Variants in RELN observed in about 807,000 individuals in gnomAD.
The protein encoded by RELN is reelin.
In RELN, 108 loss-of-function variants were observed where a neutral mutation model predicts 427.6. The ratio of observed to expected loss-of-function variants is 0.25; its 90% CI spans 0.22 to 0.30. The LOEUF (loss-of-function observed/expected upper bound fraction) is 0.30. Among genes scored for constraint, RELN ranks in the 10% least tolerant of loss-of-function variants. The probability of loss-of-function intolerance (pLI) is 1.00; values close to 1 mark genes in which losing one functional copy is unlikely to be tolerated. For missense variants in RELN, 3,715 were observed against 4,302.8 expected (o/e 0.86, Z 3.82); for synonymous variants, 1,524 against 1,513.4 (o/e 1.01, Z -0.16).
chr7:103,625,054 T>C (rs1832299614), intron 20 of RELN, among the ~76,000 whole-genome samples: 1 of 152,154 alleles, frequency 6.6e-6, no homozygotes, highest in Non-Finnish European at 1.5e-5. Context: ...TAGCTTTCCT[T>C]ATCTTAATTC....
At chr7:103,944,209 C>T (rs1224797580) in intron 1 of RELN, among the ~76,000 whole-genome samples, 1 of 152,084 alleles carries the variant, frequency 6.6e-6, no homozygotes, top group Non-Finnish European at 1.5e-5. Context: ...AATTAATAAA[C>T]CATAAGAATA....
intron 2 of RELN, among the ~76,000 whole-genome samples, chr7:103,904,866 A>G (rs1394042264): frequency 6.6e-6 from 1 of 152,114 alleles, no homozygotes; most frequent in Non-Finnish European, 1.5e-5. Flanking sequence ...TGGAAAGAAA[A>G]TGAAATAAAA....
At chr7:103,504,801 G>A (rs920484213) in intron 51 of RELN, among the ~76,000 whole-genome samples, 4 of 152,178 alleles carry the variant, frequency 2.6e-5, no homozygotes, top group Admixed American at 2.0e-4. Context: ...CCACCCCCAC[G>A]GAGCCCAGCA....
In RELN at chr7:103,597,777, T is replaced by C. The variant is rs2299344; in HGVS notation, c.3334-1116A>G. 5.2e-4 allele frequency among the ~76,000 whole-genome samples: 79 copies of C among 152,284 alleles called. No individual in the cohort carries two copies. In the East Asian group the frequency reaches 0.014, roughly 28 times the overall value. On this transcript the variant is annotated intron_variant, in intron 24 of 64. Transcript: ENST00000428762. ...CCTGAAATCCAAGAACTTGCTTCCT[T>C]TGCTTAGTGAGTCCCCTGCAGGTCA...
At chr7:103,837,403 C>A (rs1793437043) in intron 2 of RELN, among the ~76,000 whole-genome samples, 1 of 152,316 alleles carries the variant, frequency 6.6e-6, no homozygotes. Flanking sequence ...ACCAGCAATG[C>A]CATCACTCTC....
chr7:103,723,442 C>T (rs1490702054), intron 7 of RELN, among the ~76,000 whole-genome samples: 1 of 152,120 alleles, frequency 6.6e-6, no homozygotes, highest in East Asian at 1.9e-4. Context: ...TCTCAATGTC[C>T]TTTCACAAAC....
At chr7:103,490,505 G>A (rs1211719114) in intron 59 of RELN, among the ~76,000 whole-genome samples, 163 bp downstream of exon 59, 1 of 152,210 alleles carries the variant, frequency 6.6e-6, no homozygotes, top group Non-Finnish European at 1.5e-5. Context: ...CCATTTGGGG[G>A]CATGGGTTGG....
intron 10 of RELN, among the ~76,000 whole-genome samples, chr7:103,682,904 T>C (rs1833685559): frequency 6.6e-6 from 1 of 152,018 alleles, no homozygotes; most frequent in South Asian, 2.1e-4. Context: ...ATAAGGAAAA[T>C]ATATTTCTTG....
At position 103,490,811 on chromosome 7, in the gene RELN, G is replaced by C. The variant is rs1317281414; in HGVS notation, c.9462C>G (p.Leu3154=). 1 of 1,614,130 alleles carries C rather than the reference G, an allele frequency of 6.2e-7. No homozygotes were observed. The highest frequency in any genetic ancestry group is 8.5e-7 in the Non-Finnish European group (1 of 1,180,022). Reference sequence around the variant, plus strand: ...AGGAAGGAAGGCACTGGGTCTGTACGAGCTGCCAGGAATCCGATCTGCAGA... The same window carrying C: ...AGGAAGGAAGGCACTGGGTCTGTACCAGCTGCCAGGAATCCGATCTGCAGA... ...TKDARSDSWQ[L]VQTQCLPSSS... The change falls in exon 59 of 65, where the codon CTC becomes CTG. Residue 3154 remains leucine (L), a synonymous_variant. Transcript: ENST00000428762.
At chr7:103,902,046 T>G (rs886798704) in intron 2 of RELN, among the ~76,000 whole-genome samples, 2 of 151,918 alleles carry the variant, frequency 1.3e-5, no homozygotes, top group Admixed American at 1.3e-4. Context: ...TGGGGAAAGC[T>G]GGCTATTAAC....
chr7:103,978,551 G>A (rs1796927686), intron 1 of RELN, among the ~76,000 whole-genome samples: 1 of 152,172 alleles, frequency 6.6e-6, no homozygotes, highest in Admixed American at 6.5e-5. Context: ...GGAATGACTG[G>A]TCTAGATGGT....
chr7:103,740,826 C>T (rs1335295928), intron 6 of RELN, among the ~76,000 whole-genome samples: 1 of 152,122 alleles, frequency 6.6e-6, no homozygotes, highest in Non-Finnish European at 1.5e-5. Context: ...ATAAGAAGTA[C>T]AGAGTAAATA....
intron 1 of RELN, among the ~76,000 whole-genome samples, chr7:103,956,214 T>C (rs1344907231): frequency 1.3e-5 from 2 of 152,182 alleles, no homozygotes; most frequent in Non-Finnish European, 2.9e-5. Flanking sequence ...AAAGGTTCAG[T>C]TGCAAGGTGA....
In RELN at chr7:103,490,744, C is replaced by T. The variant is rs1216082419; in HGVS notation, c.9529G>A (p.Ala3177Thr). 6.2e-7 allele frequency: 1 copy of T among 1,614,018 alleles called. No individual in the cohort carries two copies. Among genetic ancestry groups the T allele is most frequent in the East Asian group, 2.2e-5 (1 of 44,882 alleles). Residue 3177 changes from alanine (A) to threonine (T), a missense_variant, in exon 59 of 65, where the codon GCC (alanine) becomes ACC (threonine). This residue lies in a region of RELN where 1,310 missense variants were observed against 1,643.0 expected (regional missense o/e 0.80). Coordinates refer to ENST00000428762, the MANE Select transcript of RELN (RefSeq NM_005045.4). Reference protein sequence around the residue: ...IGCSPFQFHEATIYNSVNSSS... With the variant: ...IGCSPFQFHETTIYNSVNSSS... ...CTGTTGACAGAGTTGTAGATGGTGG[C>T]TTCATGGAACTGGAAAGGGGAGCAG...
chr7:103,663,236 C>T (rs563098359), intron 11 of RELN, among the ~76,000 whole-genome samples: 2 of 152,282 alleles, frequency 1.3e-5, no homozygotes, highest in South Asian at 2.1e-4. Flanking sequence ...GCCATTGTTT[C>T]TTTACATGCC....
intron 2 of RELN, among the ~76,000 whole-genome samples, chr7:103,916,351 A>G (rs989659196): frequency 3.3e-5 from 5 of 152,164 alleles, no homozygotes; most frequent in Admixed American, 1.3e-4. Context: ...GTAATCTTTC[A>G]ATTTTGGAGT....
chr7:103,824,755 C>T lies in RELN; in HGVS notation c.473+8782G>A, dbSNP rs183925360. 6.6e-6 allele frequency among the ~76,000 whole-genome samples: 1 copy of T among 151,444 alleles called. No homozygotes were observed. Among genetic ancestry groups the T allele is most frequent in the East Asian group, 1.9e-4 (1 of 5,130 alleles). ...ATGCCAGTTCAGTCTTCCATGATGC[C>T]AGAAATCCTCTACAAACATATTTTT... is the stretch of plus-strand genomic sequence containing the variant. On this transcript the variant is annotated intron_variant, in intron 3 of 64. Transcript: ENST00000428762. This position sits in a 1 kb window ranked among gnomAD's most constrained non-coding sequence, Gnocchi z 4.4.
At position 103,610,786 on chromosome 7, in the gene RELN, T is replaced by C. The variant is rs1292732442; in HGVS notation, c.2917A>G (p.Ser973Gly). Residue 973 changes from serine to glycine, a missense_variant, in exon 22 of 65, where the codon AGT (serine) becomes GGT (glycine). Ser to Gly is a moderately conservative substitution (Grantham distance 56, BLOSUM62 0). Transcript: ENST00000428762. ...VQEECLPSMPSCQEFTSASIY... is the reference protein window; with the variant it reads ...VQEECLPSMPGCQEFTSASIY... ...CTTGCTGATGTAAATTCCTGACAAC[T>C]TGGCATACTTGGAAGGCATTCCTGA... The C allele has an allele frequency of 1.9e-6, 3 of 1,608,266 alleles. No homozygotes were observed. In the Admixed American group the frequency reaches 5.0e-5, roughly 27 times the overall value.
At chr7:103,488,975 G>A (rs10270524) in intron 60 of RELN, among the ~76,000 whole-genome samples, 1,634 of 152,278 alleles carry the variant, frequency 0.011, 29 homozygotes, top group African/African-American at 0.038. Context: ...CAGGTATTAA[G>A]CTATGAGGAT....
Sources: allele counts gnomAD v4.1 joint callset (sites outside exome capture counted in the v4.1 genomes callset), GRCh38; gene constraint gnomAD v4.1.1; regional missense constraint gnomAD v4.1.1; non-coding constraint Gnocchi (gnomAD v3.1); transcripts MANE v1.5; gene names NCBI Gene and HGNC (gene_info 2026-07-23, HGNC 2026-07-21).